Variants in NRXN3 observed in about 807,000 individuals in gnomAD.
NRXN3 encodes the protein neurexin 3.
NRXN3 carries 32 observed loss-of-function variants against 137.6 expected under a neutral mutation model. The ratio of observed to expected loss-of-function variants is 0.23; its 90% CI spans 0.18 to 0.31. The LOEUF (loss-of-function observed/expected upper bound fraction) is 0.31, where lower values mean the gene tolerates loss of function less well. Ranked by LOEUF, NRXN3 falls within the 10% of genes least tolerant of loss-of-function variation. The pLI is 1.00. For missense variants in NRXN3, 1,574 were observed against 2,062.5 expected, an observed-to-expected ratio of 0.76 and a Z score of 4.59; for synonymous variants, 798 against 784.5, an observed-to-expected ratio of 1.02 and a Z score of -0.29.
intron 10 of NRXN3, among the ~76,000 whole-genome samples, chr14:78,826,365 A>G (rs2098966588): frequency 6.6e-6 from 1 of 152,216 alleles, no homozygotes; most frequent in Admixed American, 6.5e-5. Flanking sequence ...GGGAGGCAGA[A>G]AAGTGAATGA....
intron 4 of NRXN3, among the ~76,000 whole-genome samples, chr14:78,433,556 C>T (rs1390574409): frequency 2.0e-5 from 3 of 152,106 alleles, no homozygotes; most frequent in African/African-American, 7.2e-5. Flanking sequence ...GGGCTGTACC[C>T]TATGAATGGA....
At chr14:78,712,944 T>C (rs1472101973) in intron 7 of NRXN3, among the ~76,000 whole-genome samples, 1 of 152,210 alleles carries the variant, frequency 6.6e-6, no homozygotes, top group East Asian at 1.9e-4. Flanking sequence ...CCTTCATAAC[T>C]GAAGAAACTG....
intron 4 of NRXN3, among the ~76,000 whole-genome samples, chr14:78,465,180 A>G (rs1169324846): frequency 6.6e-6 from 1 of 152,112 alleles, no homozygotes; most frequent in Non-Finnish European, 1.5e-5. Context: ...TCTCAATTCT[A>G]TTTCTAAAGA....
intron 4 of NRXN3, among the ~76,000 whole-genome samples, chr14:78,418,950 G>A (rs1470972369): frequency 6.6e-6 from 1 of 152,208 alleles, no homozygotes; most frequent in Non-Finnish European, 1.5e-5. Context: ...ATGTTCTCAA[G>A]TTGTCACTAT....
At chr14:78,233,553 G>C (rs1013003037) in intron 1 of NRXN3, among the ~76,000 whole-genome samples, 1 of 152,056 alleles carries the variant, frequency 6.6e-6, no homozygotes, top group Non-Finnish European at 1.5e-5. Context: ...CAGGGAGCCT[G>C]CTTCATTTGG....
chr14:79,347,182 TAACTC>T (rs1207217078), intron 15 of NRXN3, among the ~76,000 whole-genome samples: 1 of 152,132 alleles, frequency 6.6e-6, no homozygotes, highest in Non-Finnish European at 1.5e-5. Flanking sequence ...AATTAAAAAA[TAACTC>T]AAACTCTCTG....
At chr14:79,232,972 A>G (rs2072531810) in intron 15 of NRXN3, among the ~76,000 whole-genome samples, 1 of 152,212 alleles carries the variant, frequency 6.6e-6, no homozygotes, top group Non-Finnish European at 1.5e-5. Flanking sequence ...GACAGAGTCT[A>G]GTTAGATAAC....
At chr14:78,183,007 G>T (rs988656566) in intron 1 of NRXN3, among the ~76,000 whole-genome samples, 4 of 152,132 alleles carry the variant, frequency 2.6e-5, no homozygotes, top group Admixed American at 6.5e-5. Context: ...GACATCACCT[G>T]CTGGGTAATG....
intron 14 of NRXN3, among the ~76,000 whole-genome samples, chr14:78,983,863 A>AG (rs1413682802): frequency 6.6e-6 from 1 of 150,662 alleles, no homozygotes; most frequent in African/African-American, 2.4e-5. Flanking sequence ...TTAAAAAAAA[A>AG]AAAAAAAAAG....
intron 10 of NRXN3, among the ~76,000 whole-genome samples, chr14:78,879,688 G>T (rs1003826356): frequency 6.6e-6 from 1 of 152,152 alleles, no homozygotes; most frequent in Non-Finnish European, 1.5e-5. Flanking sequence ...TTAATTCCCT[G>T]TCCTAATTCC....
chr14:78,418,085 T>C (rs562822576), intron 4 of NRXN3, among the ~76,000 whole-genome samples: 9 of 152,248 alleles, frequency 5.9e-5, no homozygotes, highest in African/African-American at 2.2e-4. Context: ...TTGGAATTAG[T>C]GTGCATGTTC....
At chr14:79,402,236 T>A (rs1027106397) in intron 15 of NRXN3, among the ~76,000 whole-genome samples, 3 of 152,124 alleles carry the variant, frequency 2.0e-5, no homozygotes, top group Non-Finnish European at 4.4e-5. Context: ...TCACCCAGCC[T>A]TTTTTTCTGT....
At chr14:78,919,595 A>G (rs2099265591) in intron 10 of NRXN3, among the ~76,000 whole-genome samples, 1 of 152,198 alleles carries the variant, frequency 6.6e-6, no homozygotes, top group Non-Finnish European at 1.5e-5. Context: ...TAGTCAAAAA[A>G]TGCTTTAGAG....
chr14:79,642,506 A>T (rs1256426704), intron 16 of NRXN3, among the ~76,000 whole-genome samples: 1 of 135,282 alleles, frequency 7.4e-6, no homozygotes, highest in Non-Finnish European at 1.7e-5. Flanking sequence ...TCACATTCAT[A>T]TGCAATATGA....
intron 16 of NRXN3, among the ~76,000 whole-genome samples, chr14:79,553,751 C>T (rs541822951): frequency 5.3e-4 from 80 of 152,296 alleles, no homozygotes; most frequent in African/African-American, 1.6e-3. Context: ...TCTTTAAAGA[C>T]TCAATTAGTA....
intron 3 of NRXN3, chr14:78,283,403 T>A (rs1175246552): frequency 6.6e-6 from 1 of 152,178 alleles, no homozygotes; most frequent in Non-Finnish European, 1.5e-5. Flanking sequence ...AGATGAACAA[T>A]TTGTAAGACA....
At chr14:78,288,220 T>G (rs1432538201) in intron 3 of NRXN3, among the ~76,000 whole-genome samples, 1 of 152,192 alleles carries the variant, frequency 6.6e-6, no homozygotes, top group Admixed American at 6.5e-5. Context: ...CCTCAGGTGA[T>G]CCACCCGCCT....
Position 79,474,526 on chromosome 14 carries a change from G to A in NRXN3, c.3444+7124G>A, listed in dbSNP as rs560867607. Among the ~76,000 whole-genome samples the A allele has an allele frequency of 1.8e-3, 277 of 152,192 alleles. 1 individual carries two copies. The highest frequency in any genetic ancestry group is 2.7e-3 in the Non-Finnish European group (186 of 68,004). ...TTTTGGAGCATCTCTTTAGCATAAAGTGAAGAAGCAGTTACCTCTGAGGGA... is the reference window on the plus strand; with the variant it reads ...TTTTGGAGCATCTCTTTAGCATAAAATGAAGAAGCAGTTACCTCTGAGGGA... On this transcript the variant is annotated intron_variant, in intron 16 of 20. Transcript: ENST00000335750.
rs556098737 is a variant in NRXN3 at position 79,812,157 on chromosome 14, A to G, written c.4093+6967A>G. ...AATGAAAAAAATTCTATCCAACTCC[A>G]TTACCCAAGATTTTTTAGTAGGTTG... On this transcript the variant is annotated intron_variant, in intron 20 of 20. Coordinates refer to ENST00000335750, the MANE Select transcript of NRXN3 (RefSeq NM_001330195.2). Among the ~76,000 whole-genome samples, 4 of 152,226 alleles carry G rather than the reference A, an allele frequency of 2.6e-5. No individual in the cohort carries two copies. In the South Asian group the frequency reaches 8.3e-4, roughly 32 times the overall value.
Sources: gnomAD v4.1 joint callset for allele counts (sites outside exome capture counted in the v4.1 genomes callset) on GRCh38, gnomAD v4.1.1 for gene constraint, MANE v1.5 for transcripts, NCBI Gene and HGNC (gene_info 2026-07-23, HGNC 2026-07-21) for gene names.